The following ERBB4 variants were observed in gnomAD, a reference collection of about 807,000 sequenced individuals.
ERBB4 encodes receptor tyrosine-protein kinase erbB-4.
A neutral mutation model predicts 158.0 loss-of-function variants in ERBB4; 42 were observed. That is an observed-to-expected ratio of 0.27 (90% CI 0.21 to 0.34). ERBB4 has a LOEUF of 0.34. ERBB4 is among the 10% of genes least tolerant of loss of function. ERBB4 has a pLI of 1.00. For synonymous variants in ERBB4, 583 were observed against 558.7 expected, an observed-to-expected ratio of 1.04 and a Z score of -0.61; for missense variants, 1,333 against 1,624.1, an observed-to-expected ratio of 0.82 and a Z score of 3.08.
chr2:211,721,460 A>AAAAAAAAAAAAAAAAAAAAG (rs2074089660), intron 7 of ERBB4, among the ~76,000 whole-genome samples: 1 of 149,114 alleles, frequency 6.7e-6, no homozygotes, highest in African/African-American at 2.5e-5. Flanking sequence ...AAAAAAAAAA[A>AAAAAAAAAAAAAAAAAAAAG]AAAAATAGAG....
At chr2:211,990,063 A>G (rs2082033345) in intron 2 of ERBB4, among the ~76,000 whole-genome samples, 1 of 152,014 alleles carries the variant, frequency 6.6e-6, no homozygotes, top group Non-Finnish European at 1.5e-5. Flanking sequence ...AATAGACAGA[A>G]TATTGATATA....
intron 1 of ERBB4, among the ~76,000 whole-genome samples, chr2:212,383,130 T>C (rs1381653684): frequency 2.1e-4 from 32 of 151,410 alleles, no homozygotes; most frequent in Non-Finnish European, 1.0e-4. Context: ...TACCTTTTTC[T>C]ATAGTTTGAT....
chr2:211,411,802 T>A (rs998888640), intron 25 of ERBB4, among the ~76,000 whole-genome samples: 29 of 152,098 alleles, frequency 1.9e-4, no homozygotes, highest in African/African-American at 6.8e-4. Context: ...GTTTCTTCCC[T>A]TGATGGAAAT....
intron 1 of ERBB4, among the ~76,000 whole-genome samples, chr2:212,455,195 C>A (rs949595871): frequency 8.0e-6 from 1 of 125,278 alleles, no homozygotes; most frequent in Non-Finnish European, 2.0e-5. Flanking sequence ...GCTATTTTCT[C>A]ATTTTTCTCC....
intron 3 of ERBB4, among the ~76,000 whole-genome samples, chr2:211,934,045 A>G (rs1433658521): frequency 2.0e-5 from 3 of 152,062 alleles, no homozygotes; most frequent in Non-Finnish European, 2.9e-5. Flanking sequence ...AAGGAATTAC[A>G]TGCGTTTCAA....
intron 19 of ERBB4, among the ~76,000 whole-genome samples, chr2:211,586,188 T>G (rs1009362928): frequency 5.3e-5 from 8 of 152,084 alleles, no homozygotes; most frequent in Non-Finnish European, 1.2e-4. Context: ...ACTGATCAAC[T>G]TCATGTAAAC....
intron 3 of ERBB4, among the ~76,000 whole-genome samples, chr2:211,860,974 T>TTTA (rs1553648230): frequency 3.1e-5 from 3 of 97,840 alleles, no homozygotes; most frequent in Non-Finnish European, 5.8e-5. Context: ...ATAAATATAT[T>TTTA]TAAATATATT....
At chr2:211,940,667 T>C (rs1160687628) in intron 3 of ERBB4, among the ~76,000 whole-genome samples, 2 of 152,134 alleles carry the variant, frequency 1.3e-5, no homozygotes, top group Non-Finnish European at 2.9e-5. Flanking sequence ...TTAAGGGAGC[T>C]GAATTATATG....
rs1346355336 is a variant in ERBB4 at position 211,984,984 on chromosome 2, G to A, written c.235-37368C>T. On this transcript the variant is annotated intron_variant, in intron 2 of 27. Transcript: ENST00000342788. ...TGACCTCCGGTGATCCACCCACCTCGGCCCACGGCGCCTGGCCTGGCATAT... is the reference window on the plus strand; with the variant it reads ...TGACCTCCGGTGATCCACCCACCTCAGCCCACGGCGCCTGGCCTGGCATAT... Among the ~76,000 whole-genome samples the A allele has an allele frequency of 9.2e-5, 14 of 152,122 alleles. No homozygotes were observed. The South Asian group carries it at 2.1e-3, about 23-fold the overall frequency.
intron 3 of ERBB4, among the ~76,000 whole-genome samples, chr2:211,906,803 G>T (rs2079404725): frequency 2.0e-5 from 3 of 151,700 alleles, no homozygotes; most frequent in Non-Finnish European, 2.9e-5. Flanking sequence ...AGAACATGGG[G>T]TATTTGGTTT....
intron 3 of ERBB4, among the ~76,000 whole-genome samples, chr2:211,913,373 G>T (rs1001048329): frequency 3.9e-5 from 6 of 152,096 alleles, no homozygotes; most frequent in African/African-American, 1.4e-4. Flanking sequence ...GCTGAGGCGG[G>T]CGGATCACAC....
intron 3 of ERBB4, among the ~76,000 whole-genome samples, chr2:211,856,487 G>A (rs987849650): frequency 6.6e-6 from 1 of 151,794 alleles, no homozygotes; most frequent in Non-Finnish European, 1.5e-5. Flanking sequence ...CCGGGTTCAC[G>A]CCATTCTCCT....
At chr2:211,533,882 G>GA (rs768114877) in intron 20 of ERBB4, among the ~76,000 whole-genome samples, 12 of 151,964 alleles carry the variant, frequency 7.9e-5, no homozygotes, top group Non-Finnish European at 1.2e-4. Context: ...AAAAAATACA[G>GA]AAAATCTAGT....
chr2:212,287,073 CA>C, intron 1 of ERBB4, among the ~76,000 whole-genome samples: 1 of 151,874 alleles, frequency 6.6e-6, no homozygotes, highest in African/African-American at 2.4e-5. Context: ...ACAGGTAGCC[CA>C]AATGGCACAA....
At chr2:211,925,233 T>C (rs1156725197) in intron 3 of ERBB4, among the ~76,000 whole-genome samples, 4 of 152,176 alleles carry the variant, frequency 2.6e-5, no homozygotes, top group African/African-American at 9.7e-5. Flanking sequence ...AACATTAGTA[T>C]TAGTTGAGAC....
chr2:211,785,215 C>A (rs1195898665), intron 4 of ERBB4, among the ~76,000 whole-genome samples: 1 of 152,020 alleles, frequency 6.6e-6, no homozygotes, highest in Non-Finnish European at 1.5e-5. Context: ...CATTCTCCAG[C>A]CTCAGCCTCC....
intron 1 of ERBB4, among the ~76,000 whole-genome samples, chr2:212,459,178 T>C (rs1688451241): frequency 6.6e-6 from 1 of 152,160 alleles, no homozygotes; most frequent in African/African-American, 2.4e-5. Context: ...AGGACATAAT[T>C]AGTTTGTACT....
At chr2:212,338,324 G>C (rs1355340954) in intron 1 of ERBB4, among the ~76,000 whole-genome samples, 1 of 152,066 alleles carries the variant, frequency 6.6e-6, no homozygotes, top group Non-Finnish European at 1.5e-5. Flanking sequence ...GTGGCAGTAA[G>C]TTTTTTCCCA....
At chr2:211,805,127 C>T (rs2076586893) in intron 3 of ERBB4, among the ~76,000 whole-genome samples, 1 of 152,064 alleles carries the variant, frequency 6.6e-6, no homozygotes, top group African/African-American at 2.4e-5. Context: ...CCATGTTGGC[C>T]AGGCTTGTCT....
Sources: gnomAD v4.1 joint callset for allele counts (sites outside exome capture counted in the v4.1 genomes callset) on GRCh38, gnomAD v4.1.1 for gene constraint, MANE v1.5 for transcripts, NCBI Gene and HGNC (gene_info 2026-07-23, HGNC 2026-07-21) for gene names.